Variants in WDFY2 observed in about 807,000 individuals in gnomAD.
The protein encoded by WDFY2 is WD repeat and FYVE domain-containing protein 2.
In WDFY2, 36 loss-of-function variants were observed where a neutral mutation model predicts 56.4. The observed-to-expected ratio is 0.64, with a 90% CI of 0.49 to 0.84. The LOEUF is 0.84. Ranked by LOEUF, WDFY2 falls within the 40% of genes least tolerant of loss-of-function variation. WDFY2 has a pLI of 0.00. For synonymous variants in WDFY2, 176 were observed against 183.7 expected (o/e 0.96, Z 0.34); for missense variants, 444 against 512.2 (o/e 0.87, Z 1.29).
At chr13:51,731,700 A>G (rs191962864) in intron 6 of WDFY2, among the ~76,000 whole-genome samples, 1 of 152,232 alleles carries the variant, frequency 6.6e-6, no homozygotes, top group African/African-American at 2.4e-5. Flanking sequence ...GGGAGGTCCC[A>G]AACACAGCAA....
At chr13:51,687,644 A>G (rs1485317956) in intron 3 of WDFY2, among the ~76,000 whole-genome samples, 2 of 151,758 alleles carry the variant, frequency 1.3e-5, no homozygotes, top group Non-Finnish European at 2.9e-5. Context: ...TTATTTCTTT[A>G]TTTTTCATAT....
intron 5 of WDFY2, among the ~76,000 whole-genome samples, chr13:51,722,952 A>G (rs1376826799): frequency 6.6e-6 from 1 of 152,252 alleles, no homozygotes; most frequent in African/African-American, 2.4e-5. Flanking sequence ...TAATTCAAAT[A>G]TTCTATTTTA....
chr13:51,673,754 G>T (rs568964451), intron 2 of WDFY2, among the ~76,000 whole-genome samples: 1 of 152,072 alleles, frequency 6.6e-6, no homozygotes. Context: ...CTTTCTTAGG[G>T]CAGTGCATTA....
intron 1 of WDFY2, among the ~76,000 whole-genome samples, chr13:51,599,810 T>A (rs1279952600): frequency 2.0e-5 from 3 of 152,120 alleles, no homozygotes; most frequent in Non-Finnish European, 2.9e-5. Context: ...GTTTTCCAAG[T>A]TGCATAATTT....
chr13:51,659,415 G>C (rs567800017), intron 1 of WDFY2, among the ~76,000 whole-genome samples: 2 of 152,222 alleles, frequency 1.3e-5, no homozygotes, highest in African/African-American at 4.8e-5. Context: ...AGTGTGGGGT[G>C]AGGTGTGTGG....
At chr13:51,698,414 A>G (rs548039593) in intron 3 of WDFY2, among the ~76,000 whole-genome samples, 32 of 152,242 alleles carry the variant, frequency 2.1e-4, no homozygotes, top group Non-Finnish European at 4.3e-4. Context: ...GGATTTTAAC[A>G]AATTTTGTTT....
intron 1 of WDFY2, among the ~76,000 whole-genome samples, chr13:51,632,497 G>T (rs1954971618): frequency 6.6e-6 from 1 of 151,820 alleles, no homozygotes; most frequent in South Asian, 2.1e-4. Flanking sequence ...GTTTTCTTGT[G>T]CTTTCTGGGA....
chr13:51,627,111 G>T (rs959401185), intron 1 of WDFY2, among the ~76,000 whole-genome samples: 3 of 152,250 alleles, frequency 2.0e-5, no homozygotes, highest in Non-Finnish European at 4.4e-5. Context: ...TGCAGCTTCT[G>T]CTGCAGGCAC....
intron 5 of WDFY2, 142 bp from the exon 6 acceptor site, chr13:51,727,536 T>G: frequency 1.4e-6 from 1 of 691,878 alleles, no homozygotes; most frequent in South Asian, 2.0e-5. Flanking sequence ...TTTAGTTAAG[T>G]TCACTTTTGT....
At chr13:51,679,257 T>G (rs1437658622) in intron 3 of WDFY2, among the ~76,000 whole-genome samples, 1 of 152,138 alleles carries the variant, frequency 6.6e-6, no homozygotes, top group Non-Finnish European at 1.5e-5. Context: ...TTAAACTAAT[T>G]TTCACCAACC....
At chr13:51,704,692 C>G (rs1026243721) in intron 4 of WDFY2, among the ~76,000 whole-genome samples, 1 of 152,182 alleles carries the variant, frequency 6.6e-6, no homozygotes, top group African/African-American at 2.4e-5. Context: ...TATTTTACAT[C>G]TGTAATTTTT....
intron 1 of WDFY2, among the ~76,000 whole-genome samples, chr13:51,636,299 T>A (rs959844732): frequency 6.6e-6 from 1 of 152,210 alleles, no homozygotes; most frequent in African/African-American, 2.4e-5. Flanking sequence ...AAAAAATTCC[T>A]CATTTTACAA....
intron 3 of WDFY2, among the ~76,000 whole-genome samples, chr13:51,702,709 A>C (rs1952009318): frequency 6.6e-6 from 1 of 152,238 alleles, no homozygotes; most frequent in Admixed American, 6.5e-5. Flanking sequence ...TTAAGTTATC[A>C]AAGAAAAATC....
intron 3 of WDFY2, among the ~76,000 whole-genome samples, chr13:51,680,889 G>A (rs1160653819): frequency 6.6e-6 from 1 of 152,226 alleles, no homozygotes; most frequent in East Asian, 1.9e-4. Flanking sequence ...CATACAAGTA[G>A]GACAGCCCAG....
intron 1 of WDFY2, among the ~76,000 whole-genome samples, chr13:51,652,951 T>A (rs1244017949): frequency 3.3e-5 from 5 of 152,228 alleles, no homozygotes; most frequent in Non-Finnish European, 7.3e-5. Context: ...AATGTTGGCC[T>A]GCCTTGCTAG....
At chr13:51,726,193 TAGTATAGCTTATAAACTCTC>T (rs1318026121) in intron 5 of WDFY2, among the ~76,000 whole-genome samples, 12 of 152,182 alleles carry the variant, frequency 7.9e-5, no homozygotes, top group African/African-American at 2.4e-4. Context: ...TACACAAAGG[TAGTATAGCTTATAAACTCTC>T]ATATGCGTTG....
chr13:51,759,730 C>G lies in WDFY2; in HGVS notation c.1174-10C>G. 1 of 1,613,648 alleles carries G rather than the reference C, an allele frequency of 6.2e-7. No homozygotes were observed. The highest frequency in any genetic ancestry group is 8.5e-7 in the Non-Finnish European group (1 of 1,179,796). On this transcript the variant is annotated splice_polypyrimidine_tract_variant and intron_variant, in intron 11 of 11. Coordinates refer to ENST00000298125, the MANE Select transcript of WDFY2 (RefSeq NM_052950.4). ...TTAGTTCATTCTGTATCTTCTTTTT[C>G]TTTTTGCAGTTGTGGGATATGACCC... is the stretch of plus-strand genomic sequence containing the variant.
chr13:51,676,121 A>C (rs541532775), intron 3 of WDFY2, among the ~76,000 whole-genome samples: 1 of 152,286 alleles, frequency 6.6e-6, no homozygotes, highest in South Asian at 2.1e-4. Context: ...CCATCCTCCC[A>C]CTACCAAGAC....
At position 51,766,987 on chromosome 13, in the gene WDFY2, C is replaced by T. The variant is rs1451024051; in HGVS notation, c.*7218C>T. 6.6e-6 allele frequency: 1 copy of T among 152,214 alleles called. No homozygotes were observed. The highest frequency in any genetic ancestry group is 1.5e-5 in the Non-Finnish European group (1 of 68,050). 9.4% of individuals were successfully genotyped at this position (152,214 alleles called of 1,614,324 possible). A position where few individuals can be genotyped will look rare whatever the true frequency, so the allele number is the denominator to read the frequency against. On this transcript the variant is annotated 3_prime_UTR_variant, in exon 12 of 12. Transcript: ENST00000298125. ...AGCCCTGTTCACCACAGTCTAAGCA[C>T]AGCACACGGGCTCAAGCCATGGAGC...
Sources: gnomAD v4.1 joint callset for allele counts (sites outside exome capture counted in the v4.1 genomes callset) on GRCh38, gnomAD v4.1.1 for gene constraint, MANE v1.5 for transcripts, NCBI Gene and HGNC (gene_info 2026-07-23, HGNC 2026-07-21) for gene names.